ZRANB1: variants seen among roughly 807,000 people sequenced by gnomAD.
The protein encoded by ZRANB1 is ubiquitin thioesterase ZRANB1.
ZRANB1 carries 16 observed loss-of-function variants against 80.5 expected under a neutral mutation model. The ratio of observed to expected loss-of-function variants is 0.20; its 90% CI spans 0.13 to 0.30. ZRANB1 has a LOEUF of 0.30. Ranked by LOEUF, ZRANB1 falls within the 10% of genes least tolerant of loss-of-function variation. The pLI, the probability that ZRANB1 is intolerant of heterozygous loss-of-function variation, is 1.00. For synonymous variants in ZRANB1, 291 were observed against 293.1 expected (o/e 0.99, Z 0.07); for missense variants, 576 against 862.6 (o/e 0.67, Z 4.16).
intron 2 of ZRANB1, among the ~76,000 whole-genome samples, chr10:124,970,194 T>A (rs1951810272): frequency 6.6e-6 from 1 of 152,206 alleles, no homozygotes; most frequent in South Asian, 2.1e-4. Flanking sequence ...AGTGAGAATT[T>A]TCATGGTTAA....
intron 8 of ZRANB1, 148 bp from the exon 9 acceptor site, chr10:124,984,626 A>G (rs1292534141): frequency 3.2e-5 from 24 of 738,872 alleles, no homozygotes; most frequent in Non-Finnish European, 5.1e-5. Flanking sequence ...TAATCACAAA[A>G]CTTCCAAGAG....
At chr10:124,970,833 GTTTTTTTTTTTTT>G (rs34391929) in intron 2 of ZRANB1, among the ~76,000 whole-genome samples, 48 of 85,406 alleles carry the variant, frequency 5.6e-4, no homozygotes, top group African/African-American at 2.2e-3. Flanking sequence ...TCTCTTTGGG[GTTTTTTTTTTTTT>G]TTTTTTTTTT....
chr10:124,928,747 A>G, the ZRANB1 span, among the ~76,000 whole-genome samples: 2 of 152,320 alleles, frequency 1.3e-5, no homozygotes, highest in African/African-American at 4.8e-5. Flanking sequence ...TGAAGAAAGA[A>G]ATGTCAGATA....
chr10:124,981,684 T>G lies in ZRANB1; in HGVS notation c.1428-25T>G, dbSNP rs201912597. ...TTATTTATAGAAGACTATTTATTTA[T>G]TTTTTTACTATCCTGCTTTTTTAGG... On this transcript the variant is annotated intron_variant, in intron 5 of 8. Transcript: ENST00000359653. 1.6e-4 allele frequency: 258 copies of G among 1,575,760 alleles called. 1 individual carries two copies. The highest frequency in any genetic ancestry group is 4.2e-4 in the Middle Eastern group (2 of 4,744).
In ZRANB1 at chr10:124,966,776, A is replaced by G; in HGVS notation, c.997A>G (p.Thr333Ala). ...QRQDMLAILL[T>A]EVSQQAAKCI... ...GCAGGATATGCTAGCAATATTGCTT[A>G]CAGAGGTAAGTTTGGCGTTTTGGTT... The change falls in exon 2 of 9, where the codon ACA (threonine) becomes GCA (alanine). Residue 333 changes from threonine to alanine, a missense_variant. Thr to Ala is a moderately conservative substitution (Grantham distance 58, BLOSUM62 0). Transcript: ENST00000359653. 6.2e-7 allele frequency: 1 copy of G among 1,611,084 alleles called. No homozygotes were observed. Among genetic ancestry groups the G allele is most frequent in the Non-Finnish European group, 8.5e-7 (1 of 1,177,550 alleles).
chr10:124,955,046 G>A (rs568605131), intron 1 of ZRANB1, among the ~76,000 whole-genome samples: 2 of 151,040 alleles, frequency 1.3e-5, no homozygotes, highest in East Asian at 2.1e-4. Context: ...GGAGAATGGC[G>A]TGAACCCGGG....
chr10:124,986,289 G>GCACACACACA lies in ZRANB1; in HGVS notation c.*1298_*1299insACACACACAC, dbSNP rs1348841236. The GCACACACACA allele has an allele frequency of 2.9e-4, 31 of 108,356 alleles. No homozygotes were observed. The highest frequency in any genetic ancestry group is 1.1e-3 in the African/African-American group (31 of 27,544). 6.7% of individuals were successfully genotyped at this position (108,356 alleles called of 1,614,324 possible). On this transcript the variant is annotated 3_prime_UTR_variant, in exon 9 of 9. Coordinates refer to ENST00000359653, the MANE Select transcript of ZRANB1 (RefSeq NM_017580.3). ...AAAGACGACACACGCACGCGCGCGC[G>GCACACACACA]CGCACACACACACACACACACACAC...
At chr10:124,944,543 T>C (rs931284307) in intron 1 of ZRANB1, among the ~76,000 whole-genome samples, 1 of 122,468 alleles carries the variant, frequency 8.2e-6, no homozygotes, top group Non-Finnish European at 1.6e-5. Context: ...TAGAGGGCAG[T>C]GATGCAATCA....
chr10:124,942,062 A>T, upstream of ZRANB1: 1 of 755,032 alleles, frequency 1.3e-6, no homozygotes, highest in Non-Finnish European at 1.6e-6. Flanking sequence ...GCTATTTTTT[A>T]GTTTGTGTTG....
chr10:124,923,896 G>A, the ZRANB1 span, among the ~76,000 whole-genome samples: 1 of 151,600 alleles, frequency 6.6e-6, no homozygotes, highest in Non-Finnish European at 1.5e-5. Flanking sequence ...GGGACACAGA[G>A]CCAAACCATA....
the ZRANB1 span, among the ~76,000 whole-genome samples, chr10:124,917,703 C>T: frequency 1.3e-5 from 2 of 152,212 alleles, no homozygotes; most frequent in African/African-American, 2.4e-5. Flanking sequence ...GTATTTCAGT[C>T]CCTCGGCCGC....
rs1173983581 is a variant in ZRANB1 at position 124,986,983 on chromosome 10, A to G, written c.*1991A>G. 2 of 126,964 alleles carry G rather than the reference A, an allele frequency of 1.6e-5. No homozygotes were observed. Among genetic ancestry groups the G allele is most frequent in the African/African-American group, 5.3e-5 (2 of 37,822 alleles). The allele number at this position is 126,964 out of a possible 1,614,324, so 7.9% of individuals were successfully genotyped here. A position where few individuals can be genotyped will look rare whatever the true frequency, so the allele number is the denominator to read the frequency against. ...GCGCTCTATTATTTATTTATTTATT[A>G]TCAATCAGTGACCCTGACCACATAG... On this transcript the variant is annotated 3_prime_UTR_variant, in exon 9 of 9. Coordinates refer to ENST00000359653, the MANE Select transcript of ZRANB1 (RefSeq NM_017580.3).
chr10:124,925,744 C>T, the ZRANB1 span, among the ~76,000 whole-genome samples: 3 of 152,156 alleles, frequency 2.0e-5, no homozygotes, highest in Non-Finnish European at 4.4e-5. Flanking sequence ...TAATTTGAGG[C>T]AGAGGTCCAA....
chr10:124,944,634 A>G (rs1422466696), intron 1 of ZRANB1, among the ~76,000 whole-genome samples: 3 of 151,752 alleles, frequency 2.0e-5, no homozygotes, highest in African/African-American at 7.3e-5. Context: ...CCCCATTAGC[A>G]TGTACCACTA....
chr10:124,973,655 T>G lies in ZRANB1; in HGVS notation c.1167T>G (p.Asp389Glu), dbSNP rs1396706366. ...GCATTTTCTTTGTAGATATTGAAGA[T>G]TTGCCCCCAACAGTCCAAGAAAAAT... ...VTFTLPADIE[D>E]LPPTVQEKLF... The change falls in exon 4 of 9, where the codon GAT becomes GAG. Residue 389 changes from aspartate (D) to glutamate (E), a missense_variant. Coordinates refer to ENST00000359653, the MANE Select transcript of ZRANB1 (RefSeq NM_017580.3). 6.2e-7 allele frequency: 1 copy of G among 1,611,150 alleles called. No individual in the cohort carries two copies. The highest frequency in any genetic ancestry group is 8.5e-7 in the Non-Finnish European group (1 of 1,179,260).
At chr10:124,940,810 C>G (rs778717893), upstream of ZRANB1, among the ~76,000 whole-genome samples, 4 of 151,928 alleles carry the variant, frequency 2.6e-5, no homozygotes, top group Non-Finnish European at 5.9e-5. Context: ...AACCCTATCT[C>G]TACTAAAAAT....
chr10:124,944,407 T>C (rs1296605022), intron 1 of ZRANB1, among the ~76,000 whole-genome samples: 1 of 152,134 alleles, frequency 6.6e-6, no homozygotes, highest in Non-Finnish European at 1.5e-5. Context: ...ATGGAAAGTT[T>C]AGGTGTATGA....
At chr10:124,972,543 G>T (rs1335896528) in intron 3 of ZRANB1, among the ~76,000 whole-genome samples, 1 of 152,168 alleles carries the variant, frequency 6.6e-6, no homozygotes, top group Non-Finnish European at 1.5e-5. Context: ...CTTTTGATGG[G>T]TAGAGTCAGG....
chr10:124,971,157 C>T (rs1342026052), intron 2 of ZRANB1, among the ~76,000 whole-genome samples: 1 of 152,100 alleles, frequency 6.6e-6, no homozygotes, highest in Non-Finnish European at 1.5e-5. Context: ...AGATGCTCAA[C>T]TGTGATTTTA....
Sources: allele counts gnomAD v4.1 joint callset (sites outside exome capture counted in the v4.1 genomes callset), GRCh38; gene constraint gnomAD v4.1.1; transcripts MANE v1.5; gene names NCBI Gene and HGNC (gene_info 2026-07-23, HGNC 2026-07-21).